Variants in ZNF33A observed in about 807,000 individuals in gnomAD.
The protein encoded by ZNF33A is zinc finger protein 33A.
A neutral mutation model predicts 15.9 loss-of-function variants in ZNF33A; 9 were observed. That is an observed-to-expected ratio of 0.57 (90% CI 0.34 to 0.99). The LOEUF is 0.99. Ranked by LOEUF, ZNF33A falls within the 50% of genes least tolerant of loss-of-function variation. The pLI is 0.02. For synonymous variants in ZNF33A, 294 were observed against 324.2 expected (o/e 0.91, Z 1.00); for missense variants, 843 against 941.6 (o/e 0.90, Z 1.37).
chr10:38,022,558 G>A (rs1049239816), intron 4 of ZNF33A, among the ~76,000 whole-genome samples: 5 of 151,422 alleles, frequency 3.3e-5, no homozygotes, highest in Non-Finnish European at 7.4e-5. Context: ...TCAGGAGGCT[G>A]AGGTAGGAGA....
chr10:38,051,687 A>C (rs1296289729), intron 4 of ZNF33A, among the ~76,000 whole-genome samples: 1 of 152,064 alleles, frequency 6.6e-6, no homozygotes, highest in African/African-American at 2.4e-5. Context: ...ATATATTACG[A>C]TTATACCTAT....
intron 1 of ZNF33A, among the ~76,000 whole-genome samples, chr10:38,011,632 GA>G (rs2064189411): frequency 6.6e-6 from 1 of 152,070 alleles, no homozygotes; most frequent in Admixed American, 6.6e-5. Flanking sequence ...AGAAGAAAAA[GA>G]TTTTTTTTGT....
At chr10:38,047,034 G>A (rs2065971328) in intron 4 of ZNF33A, among the ~76,000 whole-genome samples, 1 of 151,648 alleles carries the variant, frequency 6.6e-6, no homozygotes, top group Non-Finnish European at 1.5e-5. Flanking sequence ...AAAAAAATTA[G>A]CTGGGTGTGG....
chr10:38,024,087 G>A (rs539589458), intron 4 of ZNF33A, among the ~76,000 whole-genome samples: 17 of 146,884 alleles, frequency 1.2e-4, no homozygotes, highest in Non-Finnish European at 1.9e-4. Flanking sequence ...GGAAGGTGGA[G>A]GTTACGGTGA....
At chr10:38,020,111 A>G (rs1168148138) in intron 4 of ZNF33A, among the ~76,000 whole-genome samples, 1 of 152,250 alleles carries the variant, frequency 6.6e-6, no homozygotes, top group Non-Finnish European at 1.5e-5. Flanking sequence ...AATGGAAAAC[A>G]GAAAACAAAA....
intron 4 of ZNF33A, among the ~76,000 whole-genome samples, chr10:38,020,258 A>G (rs1200975476): frequency 6.6e-6 from 1 of 152,178 alleles, no homozygotes; most frequent in East Asian, 1.9e-4. Flanking sequence ...CATAGTAGGT[A>G]TATATATTTT....
At chr10:38,065,764 G>T (rs1368321792), downstream of ZNF33A, among the ~76,000 whole-genome samples, 2 of 150,768 alleles carry the variant, frequency 1.3e-5, no homozygotes, top group Non-Finnish European at 2.9e-5. Context: ...AGGCTGGAGT[G>T]CAATGGCCCT....
chr10:38,056,263 G>A lies in ZNF33A; in HGVS notation c.2139G>A (p.Arg713=), dbSNP rs2066475449. 2 of 1,613,894 alleles carry A rather than the reference G, an allele frequency of 1.2e-6. No individual in the cohort carries two copies. Among genetic ancestry groups the A allele is most frequent in the Middle Eastern group, 3.3e-4 (2 of 6,060 alleles). ...AATCATCACTCACAGTACATCACAG[G>A]GCTCACACAGGAGAGAAATCTTGTC... ...RHKSSLTVHH[R]AHTGEKSCQC... The change falls in exon 5 of 5, where the codon AGG becomes AGA. Residue 713 remains arginine, a synonymous_variant. Coordinates refer to ENST00000432900, the MANE Select transcript of ZNF33A (RefSeq NM_006954.2).
At chr10:38,016,797 T>C (rs571225583) in intron 2 of ZNF33A, 74 bp from the exon 3 acceptor site, 1,292 of 1,519,900 alleles carry the variant, frequency 8.5e-4, no homozygotes, top group Non-Finnish European at 1.1e-3. Context: ...CAAAACAATA[T>C]TCTGTGAATA....
intron 4 of ZNF33A, among the ~76,000 whole-genome samples, chr10:38,031,866 G>T (rs1226262851): frequency 1.3e-5 from 2 of 152,124 alleles, no homozygotes; most frequent in Non-Finnish European, 2.9e-5. Context: ...GGGAGGCTGA[G>T]GCAGGAGAAT....
At position 38,055,001 on chromosome 10, in the gene ZNF33A, C is replaced by A; in HGVS notation, c.877C>A (p.Pro293Thr). The part of the protein sequence containing the change: ...FLCVKSTLSK[P>T]HGVSMKHYDC... ...ATGTGTGAAGTCCACCCTTTCTAAA[C>A]CTCATGGGGTATCTATGAAACACTA... The change falls in exon 5 of 5, where the codon CCT (proline) becomes ACT (threonine). Residue 293 changes from proline (P) to threonine (T), a missense_variant. Coordinates refer to ENST00000432900, the MANE Select transcript of ZNF33A (RefSeq NM_006954.2). 1 of 1,614,092 alleles carries A rather than the reference C, an allele frequency of 6.2e-7. No individual in the cohort carries two copies. The highest frequency in any genetic ancestry group is 8.5e-7 in the Non-Finnish European group (1 of 1,179,982).
intron 2 of ZNF33A, among the ~76,000 whole-genome samples, chr10:38,014,213 G>C (rs1358975071): frequency 2.6e-5 from 4 of 151,588 alleles, no homozygotes; most frequent in Non-Finnish European, 5.9e-5. Context: ...GGCTAATTTT[G>C]TATTTTAGTA....
At chr10:38,034,151 C>T (rs993721255) in intron 4 of ZNF33A, among the ~76,000 whole-genome samples, 9 of 152,162 alleles carry the variant, frequency 5.9e-5, no homozygotes, top group East Asian at 5.8e-4. Context: ...TTTCTGCTGT[C>T]GTTAACATAT....
intron 4 of ZNF33A, among the ~76,000 whole-genome samples, chr10:38,024,473 A>C (rs2064897645): frequency 6.6e-6 from 1 of 152,218 alleles, no homozygotes. Flanking sequence ...TAAGTATGCC[A>C]GTTCTCTCCA....
At chr10:38,011,013 C>T (rs986882752) in intron 1 of ZNF33A, among the ~76,000 whole-genome samples, 4 of 152,082 alleles carry the variant, frequency 2.6e-5, no homozygotes, top group African/African-American at 9.7e-5. Flanking sequence ...TTGTGGGGGC[C>T]GCGGAGGAGG....
intron 4 of ZNF33A, among the ~76,000 whole-genome samples, chr10:38,053,193 A>G (rs188351747): frequency 2.0e-5 from 3 of 152,290 alleles, no homozygotes; most frequent in East Asian, 3.9e-4. Context: ...ACAAAATTCA[A>G]CAGACTGGGT....
At position 38,039,398 on chromosome 10, in the gene ZNF33A, G is replaced by GTTTTTTT. The variant is rs59435586; in HGVS notation, c.251-14973_251-14967dup. Reference sequence around the variant, plus strand: ...CCAGCACACCCAGCTAATTTTTTGTGTTTTTTTTTTGTAGAGATGGGGTTT... The same window carrying GTTTTTTT: ...CCAGCACACCCAGCTAATTTTTTGTGTTTTTTTTTTTTTTTTTGTAGAGATGGGGTTT... On this transcript the variant is annotated intron_variant, in intron 4 of 4. Transcript: ENST00000432900. 5.0e-4 allele frequency: 194 copies of GTTTTTTT among 391,918 alleles called. 2 individuals are homozygous for GTTTTTTT. Among genetic ancestry groups the GTTTTTTT allele is most frequent in the Middle Eastern group, 1.4e-3 (2 of 1,424 alleles). 24.3% of individuals were successfully genotyped at this position (391,918 alleles called of 1,614,324 possible). A position where few individuals can be genotyped will look rare whatever the true frequency, so the allele number is the denominator to read the frequency against.
At chr10:38,025,215 A>G (rs753302243) in intron 4 of ZNF33A, among the ~76,000 whole-genome samples, 2 of 152,196 alleles carry the variant, frequency 1.3e-5, no homozygotes, top group African/African-American at 4.8e-5. Context: ...ATTAATAGCT[A>G]TAATAATCAA....
intron 1 of ZNF33A, among the ~76,000 whole-genome samples, chr10:38,011,544 C>T (rs1285347441): frequency 6.6e-6 from 1 of 152,088 alleles, no homozygotes; most frequent in Non-Finnish European, 1.5e-5. Flanking sequence ...TATTGCACTC[C>T]AGACTGGGCA....
Sources: gnomAD v4.1 joint callset for allele counts (sites outside exome capture counted in the v4.1 genomes callset) on GRCh38, gnomAD v4.1.1 for gene constraint, MANE v1.5 for transcripts, NCBI Gene and HGNC (gene_info 2026-07-23, HGNC 2026-07-21) for gene names.